Variants in SYNE2 observed in about 807,000 individuals in gnomAD.
SYNE2 encodes the protein spectrin repeat containing nuclear envelope protein 2.
A neutral mutation model predicts 856.3 loss-of-function variants in SYNE2; 431 were observed. That is an observed-to-expected ratio of 0.50 (90% CI 0.47 to 0.55). SYNE2 has a LOEUF of 0.55. Among genes scored for constraint, SYNE2 ranks in the 20% least tolerant of loss-of-function variants. The pLI, the probability that SYNE2 is intolerant of heterozygous loss-of-function variation, is 0.00. For synonymous variants in SYNE2, 2,923 were observed against 2,872.3 expected (o/e 1.02, Z -0.56); for missense variants, 8,129 against 8,023.2 (o/e 1.01, Z -0.50).
rs146213888 is a variant in SYNE2, at chr14:64,035,323, T to G, written c.7221+3966T>G. Among the ~76,000 whole-genome samples the G allele has an allele frequency of 6.5e-4, 99 of 152,136 alleles. 1 individual carries two copies. Among genetic ancestry groups the G allele is most frequent in the African/African-American group, 2.2e-3 (93 of 41,518 alleles). On this transcript the variant is annotated intron_variant, in intron 45 of 115. Coordinates refer to ENST00000555002, the MANE Select transcript of SYNE2 (RefSeq NM_182914.3). ...TCAATCCTGGGGTAAATTATGTCTATTTCTGGTGTTGTTTATCCTGTTAAC... is the reference window on the plus strand; with the variant it reads ...TCAATCCTGGGGTAAATTATGTCTAGTTCTGGTGTTGTTTATCCTGTTAAC...
intron 2 of SYNE2, among the ~76,000 whole-genome samples, chr14:63,934,421 T>C (rs1256219353): frequency 6.6e-6 from 1 of 152,068 alleles, no homozygotes; most frequent in Non-Finnish European, 1.5e-5. Context: ...GATTATGTGC[T>C]CCATTTGAAC....
At chr14:64,187,164 T>C (rs575849950) in intron 97 of SYNE2, among the ~76,000 whole-genome samples, 4 of 152,346 alleles carry the variant, frequency 2.6e-5, no homozygotes, top group Admixed American at 6.5e-5. Context: ...GGTATAGGCT[T>C]GTGACAGGAT....
At position 64,220,413 on chromosome 14, in the gene SYNE2, C is replaced by T. The variant is rs781014389; in HGVS notation, c.19861-24C>T. 11 of 1,613,858 alleles carry T rather than the reference C, an allele frequency of 6.8e-6. No homozygotes were observed. The Middle Eastern group carries it at 5.0e-4, about 73-fold the overall frequency. ...TCCTCCCTACTTTCAGAGCTCCTAA[C>T]CTCATCTTTTCTCTCTCTGGTAGGA... On this transcript the variant is annotated intron_variant, in intron 110 of 115. Coordinates refer to ENST00000555002, the MANE Select transcript of SYNE2 (RefSeq NM_182914.3).
At chr14:63,840,570 G>T (rs1333159840) in intron 1 of SYNE2, among the ~76,000 whole-genome samples, 2 of 150,000 alleles carry the variant, frequency 1.3e-5, no homozygotes, top group East Asian at 2.0e-4. Flanking sequence ...TGAATTCCTG[G>T]GTTTAAGGGA....
chr14:64,016,593 G>A lies in SYNE2; in HGVS notation c.4849G>A (p.Glu1617Lys), dbSNP rs780380973. Residue 1617 changes from glutamate to lysine, a missense_variant, in exon 33 of 116, where the codon GAA (glutamate) becomes AAA (lysine). By Grantham distance (56) the Glu-to-Lys change is moderately conservative. This residue lies in a region of SYNE2 where 2,422 missense variants were observed against 2,357.4 expected (regional missense o/e 1.03). Transcript: ENST00000555002. ...GAAAACTTTTGAAGAGCCCCCTTTT[G>A]AAAAAGAGGCTAATATTATTGTGGA... ...KMKTFEEPPFEKEANIIVDRW... is the reference protein window; with the variant it reads ...KMKTFEEPPFKKEANIIVDRW... The A allele has an allele frequency of 3.3e-5, 53 of 1,599,588 alleles. No homozygotes were observed. Among genetic ancestry groups the A allele is most frequent in the Non-Finnish European group, 4.3e-5 (50 of 1,171,288 alleles).
At chr14:64,192,210 A>C (rs2098521812) in intron 99 of SYNE2, among the ~76,000 whole-genome samples, 1 of 151,860 alleles carries the variant, frequency 6.6e-6, no homozygotes. Context: ...AAATGAGTAA[A>C]TGTTTCAGTG....
chr14:64,095,747 A>G (rs915753842), intron 61 of SYNE2, among the ~76,000 whole-genome samples: 2 of 152,204 alleles, frequency 1.3e-5, no homozygotes, highest in African/African-American at 4.8e-5. Context: ...TTCACAAAGA[A>G]TACTAAAAAT....
intron 1 of SYNE2, among the ~76,000 whole-genome samples, chr14:63,865,724 C>CCCCCA (rs1555352398): frequency 3.1e-5 from 3 of 95,412 alleles, no homozygotes; most frequent in South Asian, 3.8e-4. Context: ...ACCCCCCCCC[C>CCCCCA]AAAAAAAAAG....
At chr14:63,914,120 T>A (rs1391684509) in intron 2 of SYNE2, among the ~76,000 whole-genome samples, 1 of 152,196 alleles carries the variant, frequency 6.6e-6, no homozygotes, top group East Asian at 1.9e-4. Flanking sequence ...TTTTATTTGA[T>A]CCTAAAAAAA....
At chr14:63,797,456 A>C (rs1887963574) in intron 1 of SYNE2, among the ~76,000 whole-genome samples, 1 of 152,120 alleles carries the variant, frequency 6.6e-6, no homozygotes, top group Non-Finnish European at 1.5e-5. Context: ...TGATGTTGAC[A>C]AGTTATTCAA....
At chr14:63,781,618 C>T (rs1349470499) in intron 1 of SYNE2, among the ~76,000 whole-genome samples, 1 of 151,552 alleles carries the variant, frequency 6.6e-6, no homozygotes, top group African/African-American at 2.4e-5. Context: ...GGAGGGCTAG[C>T]ATGAACCCCA....
intron 9 of SYNE2, among the ~76,000 whole-genome samples, chr14:63,961,886 C>CT (rs879550028): frequency 2.3e-3 from 325 of 141,564 alleles, no homozygotes; most frequent in African/African-American, 6.4e-3. Flanking sequence ...GTTGAATGTT[C>CT]TTTTTTTTTT....
intron 62 of SYNE2, 171 bp downstream of exon 62, chr14:64,098,317 G>A (rs1211407784): frequency 1.7e-5 from 13 of 750,828 alleles, no homozygotes; most frequent in South Asian, 9.3e-5. Flanking sequence ...TAAATCCTCA[G>A]GGTGTGCCTG....
At position 64,017,638 on chromosome 14, in the gene SYNE2, C is replaced by T. The variant is rs771776215; in HGVS notation, c.4931C>T (p.Ala1644Val). ...TEDYYENLGR[A>V]LALWDKLFNL... is the part of the protein sequence containing the mutation. ...GATTACTATGAAAATCTTGGTCGAGCTCTAGCTTTGTGGGACAAACTTTTT... is the reference window on the plus strand; with the variant it reads ...GATTACTATGAAAATCTTGGTCGAGTTCTAGCTTTGTGGGACAAACTTTTT... The change falls in exon 34 of 116, where the codon GCT becomes GTT. Residue 1644 changes from alanine (A) to valine (V), a missense_variant. Ala to Val is a moderately conservative substitution (Grantham distance 64). This residue lies in a region of SYNE2 where 2,422 missense variants were observed against 2,357.4 expected (regional missense o/e 1.03). Transcript: ENST00000555002. The T allele has an allele frequency of 2.2e-5, 35 of 1,613,140 alleles. No individual in the cohort carries two copies. The highest frequency in any genetic ancestry group is 2.9e-5 in the Non-Finnish European group (34 of 1,179,480).
rs192782372 is a variant in SYNE2 at position 63,904,136 on chromosome 14, C to T, written c.-51-4962C>T. Among the ~76,000 whole-genome samples, 6 of 152,286 alleles carry T rather than the reference C, an allele frequency of 3.9e-5. No individual in the cohort carries two copies. The East Asian group carries it at 9.6e-4, about 24-fold the overall frequency. On this transcript the variant is annotated intron_variant, in intron 1 of 115. Coordinates refer to ENST00000555002, the MANE Select transcript of SYNE2 (RefSeq NM_182914.3). The stretch of plus-strand genomic sequence containing the variant: ...ATGGCCTCCAGCTCCATCCATGTTG[C>T]TGCAAAGGCTATGATTTTATTCTTT...
At position 64,226,034 on chromosome 14, in the gene SYNE2, G is replaced by A. The variant is rs868059289; in HGVS notation, c.*508G>A. The A allele has an allele frequency of 1.0e-4, 21 of 209,872 alleles. No individual in the cohort carries two copies. Among genetic ancestry groups the A allele is most frequent in the African/African-American group, 3.6e-4 (16 of 43,860 alleles). The allele number at this position is 209,872 out of a possible 1,614,324, so 13.0% of individuals were successfully genotyped here. A position where few individuals can be genotyped will look rare whatever the true frequency, so the allele number is the denominator to read the frequency against. On this transcript the variant is annotated 3_prime_UTR_variant, in exon 116 of 116. Coordinates refer to ENST00000555002, the MANE Select transcript of SYNE2 (RefSeq NM_182914.3). ...AATCAGCTGGCAATTTTGAGCTGCC[G>A]GTTATACACCAAAATGTTCTGTTCA... is the stretch of plus-strand genomic sequence containing the variant.
intron 84 of SYNE2, among the ~76,000 whole-genome samples, chr14:64,151,631 G>C (rs1277181061): frequency 6.6e-6 from 1 of 151,922 alleles, no homozygotes; most frequent in Non-Finnish European, 1.5e-5. Context: ...ATGAGCTAAG[G>C]GTCGTTATCT....
intron 2 of SYNE2, among the ~76,000 whole-genome samples, chr14:63,918,514 G>A (rs1343343684): frequency 6.6e-6 from 1 of 152,198 alleles, no homozygotes; most frequent in African/African-American, 2.4e-5. Flanking sequence ...TATCAGAGAT[G>A]GAATGTCTGA....
At chr14:63,814,601 T>C (rs1248578582) in intron 1 of SYNE2, among the ~76,000 whole-genome samples, 1 of 138,034 alleles carries the variant, frequency 7.2e-6, no homozygotes, top group Non-Finnish European at 1.5e-5. Flanking sequence ...ATATAGATCC[T>C]TATATAGATC....
Sources: gnomAD v4.1 joint callset for allele counts (sites outside exome capture counted in the v4.1 genomes callset) on GRCh38, gnomAD v4.1.1 for gene constraint, gnomAD v4.1.1 regional missense constraint, MANE v1.5 for transcripts, NCBI Gene and HGNC (gene_info 2026-07-23, HGNC 2026-07-21) for gene names.